EYS: variants seen among roughly 807,000 people sequenced by gnomAD.
EYS encodes the protein EGF-like photoreceptor maintenance factor.
EYS carries 250 observed loss-of-function variants against 282.1 expected under a neutral mutation model. The ratio of observed to expected loss-of-function variants is 0.89; its 90% CI spans 0.80 to 0.98. EYS has a LOEUF of 0.98. Among genes scored for constraint, EYS ranks in the 50% least tolerant of loss-of-function variants. The probability of loss-of-function intolerance (pLI) is 0.00; values close to 1 mark genes in which losing one functional copy is unlikely to be tolerated. For missense variants in EYS, 4,016 were observed against 3,709.0 expected (o/e 1.08, Z -2.15); for synonymous variants, 1,355 against 1,282.9 (o/e 1.06, Z -1.20).
chr6:63,999,721 C>T (rs1355728134), intron 33 of EYS, among the ~76,000 whole-genome samples: 2 of 152,114 alleles, frequency 1.3e-5, no homozygotes, highest in African/African-American at 4.8e-5. Context: ...TCGGCTGGTA[C>T]TGTATCTCAG....
At chr6:64,958,541 A>G (rs556450567) in intron 14 of EYS, among the ~76,000 whole-genome samples, 1 of 151,948 alleles carries the variant, frequency 6.6e-6, no homozygotes, top group East Asian at 1.9e-4. Flanking sequence ...AGGTCAGGAG[A>G]TCGAGACCAC....
chr6:64,419,871 C>T (rs1042495476), intron 28 of EYS, among the ~76,000 whole-genome samples: 1 of 152,180 alleles, frequency 6.6e-6, no homozygotes, highest in Non-Finnish European at 1.5e-5. Flanking sequence ...GGTGGGTCTA[C>T]CATTCTGGGG....
intron 12 of EYS, among the ~76,000 whole-genome samples, chr6:65,091,313 G>A (rs1257070870): frequency 6.7e-6 from 1 of 149,862 alleles, no homozygotes; most frequent in Non-Finnish European, 1.5e-5. Flanking sequence ...AGCTGGACAT[G>A]GTGGTAGGCA....
chr6:65,315,006 A>C (rs1193890082), intron 11 of EYS, among the ~76,000 whole-genome samples: 3 of 152,202 alleles, frequency 2.0e-5, no homozygotes, highest in Admixed American at 6.5e-5. Context: ...TGCTGAGACC[A>C]CCCACTGAAT....
At chr6:64,512,473 C>T (rs566302511) in intron 26 of EYS, among the ~76,000 whole-genome samples, 16 of 151,940 alleles carry the variant, frequency 1.1e-4, no homozygotes, top group Middle Eastern at 6.8e-3. Context: ...AATCCTGTAC[C>T]CTGATGGCCC....
intron 13 of EYS, among the ~76,000 whole-genome samples, chr6:65,000,009 C>A (rs1771411302): frequency 6.6e-6 from 1 of 152,154 alleles, no homozygotes; most frequent in African/African-American, 2.4e-5. Context: ...GTCCTTGTGA[C>A]AAAGTAGAGG....
chr6:65,485,634 G>A (rs540604362), intron 5 of EYS, among the ~76,000 whole-genome samples: 18 of 152,234 alleles, frequency 1.2e-4, no homozygotes, highest in East Asian at 7.7e-4. Context: ...GCGAAATCCC[G>A]TCACTACTAA....
At chr6:63,780,833 T>G (rs894921965) in intron 39 of EYS, among the ~76,000 whole-genome samples, 2 of 152,250 alleles carry the variant, frequency 1.3e-5, no homozygotes, top group Non-Finnish European at 2.9e-5. Flanking sequence ...TATGCCTATG[T>G]CCTGAATGGT....
intron 26 of EYS, among the ~76,000 whole-genome samples, chr6:64,550,184 G>A (rs965527871): frequency 6.6e-6 from 1 of 152,022 alleles, no homozygotes. Flanking sequence ...GTGAATAGTG[G>A]CGCAATAAAC....
intron 35 of EYS, among the ~76,000 whole-genome samples, chr6:63,907,122 G>A (rs1259984607): frequency 6.6e-6 from 1 of 152,162 alleles, no homozygotes; most frequent in Admixed American, 6.5e-5. Flanking sequence ...TGTAGACTTA[G>A]ACTAGGGCTT....
chr6:64,800,105 T>G (rs1774492313), intron 22 of EYS, among the ~76,000 whole-genome samples: 1 of 152,002 alleles, frequency 6.6e-6, no homozygotes. Flanking sequence ...GAAATCAAAA[T>G]CATGCTTTTA....
At chr6:63,931,400 T>C (rs35881733) in intron 35 of EYS, among the ~76,000 whole-genome samples, 156 of 152,224 alleles carry the variant, frequency 1.0e-3, no homozygotes, top group Non-Finnish European at 1.7e-3. Context: ...TGTGCTCTTC[T>C]GACTCTTCTA....
intron 15 of EYS, among the ~76,000 whole-genome samples, chr6:64,931,461 A>G (rs1243141762): frequency 6.6e-6 from 1 of 152,112 alleles, no homozygotes; most frequent in Non-Finnish European, 1.5e-5. Context: ...CTTTAATCAA[A>G]TAAAGTTTTT....
intron 8 of EYS, among the ~76,000 whole-genome samples, chr6:65,367,948 C>T (rs1194771339): frequency 6.6e-6 from 1 of 151,528 alleles, no homozygotes; most frequent in East Asian, 1.9e-4. Flanking sequence ...TAAAGACATA[C>T]CTGAGACTGG....
chr6:63,976,480 G>A (rs1293832947), intron 35 of EYS, among the ~76,000 whole-genome samples: 2 of 152,056 alleles, frequency 1.3e-5, no homozygotes. Flanking sequence ...CTTGTAGGCT[G>A]TGGTTTGATG....
intron 22 of EYS, among the ~76,000 whole-genome samples, chr6:64,775,468 T>C (rs780136334): frequency 1.3e-5 from 2 of 152,074 alleles, no homozygotes; most frequent in Admixed American, 6.6e-5. Context: ...GGAGCTTCAT[T>C]GTTCTCTTTT....
intron 22 of EYS, among the ~76,000 whole-genome samples, chr6:64,675,198 T>C (rs1049742957): frequency 4.6e-5 from 7 of 152,112 alleles, no homozygotes; most frequent in African/African-American, 1.2e-4. Flanking sequence ...ATAGTATACA[T>C]TCAAAATGTC....
At chr6:65,326,686 C>T (rs1459134948) in intron 11 of EYS, among the ~76,000 whole-genome samples, 2 of 151,534 alleles carry the variant, frequency 1.3e-5, no homozygotes, top group African/African-American at 2.4e-5. Flanking sequence ...TACCCAAGAA[C>T]ATGCTATGCA....
At chr6:65,369,206 T>G (rs1765029796) in intron 8 of EYS, among the ~76,000 whole-genome samples, 1 of 148,282 alleles carries the variant, frequency 6.7e-6, no homozygotes, top group Non-Finnish European at 1.5e-5. Context: ...AAGCAAAGTT[T>G]GTGACCAAGC....
Sources: gnomAD v4.1 joint callset for allele counts (sites outside exome capture counted in the v4.1 genomes callset) on GRCh38, gnomAD v4.1.1 for gene constraint, MANE v1.5 for transcripts, NCBI Gene and HGNC (gene_info 2026-07-23, HGNC 2026-07-21) for gene names.